Variants in SYT9 observed in about 807,000 individuals in gnomAD.
The protein encoded by SYT9 is synaptotagmin 9.
In SYT9, 22 loss-of-function variants were observed where a neutral mutation model predicts 48.4. The observed-to-expected ratio is 0.45, with a 90% CI of 0.32 to 0.65. The LOEUF is 0.65. Ranked by LOEUF, SYT9 falls within the 30% of genes least tolerant of loss-of-function variation. The pLI, the probability that SYT9 is intolerant of heterozygous loss-of-function variation, is 0.03. For synonymous variants in SYT9, 265 were observed against 245.0 expected (o/e 1.08, Z -0.76); for missense variants, 577 against 622.0 (o/e 0.93, Z 0.77).
At chr11:7,415,523 A>G (rs1404663099) in intron 3 of SYT9, among the ~76,000 whole-genome samples, 1 of 151,942 alleles carries the variant, frequency 6.6e-6, no homozygotes. Context: ...GGTGGTGTGG[A>G]AACCTGTTGA....
intron 1 of SYT9, among the ~76,000 whole-genome samples, chr11:7,243,406 A>G (rs1310772810): frequency 6.6e-6 from 1 of 152,188 alleles, no homozygotes; most frequent in Non-Finnish European, 1.5e-5. Flanking sequence ...AGACAAACGT[A>G]TGGTTTTTCT....
rs1847875051 is a variant in SYT9, at chr11:7,251,968, G to A, written c.-219G>A. 1 of 449,984 alleles carries A rather than the reference G, an allele frequency of 2.2e-6. No individual in the cohort carries two copies. The highest frequency in any genetic ancestry group is 3.8e-6 in the Non-Finnish European group (1 of 260,156). 27.9% of individuals were successfully genotyped at this position (449,984 alleles called of 1,614,324 possible). A position where few individuals can be genotyped will look rare whatever the true frequency, so the allele number is the denominator to read the frequency against. ...GGAGGGACGGAGGGACCGGGCGGGA[G>A]AGAGAGAAAGCCTGACCGACCGGCT... On this transcript the variant is annotated 5_prime_UTR_variant, in exon 1 of 7. Coordinates refer to ENST00000318881, the MANE Select transcript of SYT9 (RefSeq NM_175733.4).
chr11:7,435,427 G>A (rs141120154), intron 6 of SYT9: 66 of 152,378 alleles, frequency 4.3e-4, no homozygotes, highest in African/African-American at 1.5e-3. Context: ...ATGCACAGAT[G>A]TAGCTTCCTT....
intron 6 of SYT9, among the ~76,000 whole-genome samples, chr11:7,431,763 TA>T (rs1181648473): frequency 6.6e-6 from 1 of 152,216 alleles, no homozygotes; most frequent in Non-Finnish European, 1.5e-5. Flanking sequence ...AGCTGCTACT[TA>T]AGAGAATGCA....
rs1353140615 is a variant in SYT9, at chr11:7,343,337, C to T, written c.1044+29396C>T. 6.6e-5 allele frequency among the ~76,000 whole-genome samples: 10 copies of T among 152,100 alleles called. No homozygotes were observed. In the South Asian group the frequency reaches 8.3e-4, roughly 13 times the overall value. ...AAAACTGAATACTTTTAGCAGCACCCGAGTCACCTCTTGAATGCTTTGCTG... is the reference window on the plus strand; with the variant it reads ...AAAACTGAATACTTTTAGCAGCACCTGAGTCACCTCTTGAATGCTTTGCTG... On this transcript the variant is annotated intron_variant, in intron 3 of 6. Transcript: ENST00000318881.
intron 6 of SYT9, among the ~76,000 whole-genome samples, chr11:7,453,458 T>C (rs1301382664): frequency 3.3e-5 from 5 of 152,180 alleles, no homozygotes; most frequent in Non-Finnish European, 7.4e-5. Context: ...CACATGCTAT[T>C]CCCAACACTG....
At chr11:7,273,672 C>A (rs781570845) in intron 1 of SYT9, among the ~76,000 whole-genome samples, 13 of 152,142 alleles carry the variant, frequency 8.5e-5, no homozygotes, top group Non-Finnish European at 1.5e-4. Context: ...TAAGTAAGAG[C>A]TTGTCCTACA....
chr11:7,274,596 G>A lies in SYT9; in HGVS notation c.145+22265G>A, dbSNP rs141973271. Among the ~76,000 whole-genome samples, 370 of 152,274 alleles carry A rather than the reference G, an allele frequency of 2.4e-3. 2 individuals are homozygous for A. The highest frequency in any genetic ancestry group is 4.1e-3 in the Non-Finnish European group (277 of 68,022). On this transcript the variant is annotated intron_variant, in intron 1 of 6. Coordinates refer to ENST00000318881, the MANE Select transcript of SYT9 (RefSeq NM_175733.4). ...GCCTCAGGAAGTGTTGGGATTATAG[G>A]CATGAGCCACTGTGCCTGGCCAAGT...
At position 7,416,169 on chromosome 11, in the gene SYT9, C is replaced by T. The variant is rs981262194; in HGVS notation, c.1165+7C>T. The T allele has an allele frequency of 3.1e-6, 5 of 1,614,012 alleles. No individual in the cohort carries two copies. Among genetic ancestry groups the T allele is most frequent in the Middle Eastern group, 1.6e-4 (1 of 6,062 alleles). ...GACATAACAGGAGCATCAGGTGGGG[C>T]ATTTTCAAATTCAGACTTCCTCATG... On this transcript the variant is annotated splice_region_variant and intron_variant, in intron 4 of 6. Coordinates refer to ENST00000318881, the MANE Select transcript of SYT9 (RefSeq NM_175733.4).
Position 7,252,864 on chromosome 11 carries a change from G to A in SYT9, c.145+533G>A, listed in dbSNP as rs1329998348. On this transcript the variant is annotated intron_variant, in intron 1 of 6. Coordinates refer to ENST00000318881, the MANE Select transcript of SYT9 (RefSeq NM_175733.4). The surrounding 1 kb of genome is among the most constrained non-coding windows in gnomAD (Gnocchi z 6.3). ...GCGGGACGCGATCCGGCGTTGGGCC[G>A]GGGACAGGGTGCTTCTGGCCTTGGG... Among the ~76,000 whole-genome samples, 2 of 152,224 alleles carry A rather than the reference G, an allele frequency of 1.3e-5. No individual in the cohort carries two copies. Among genetic ancestry groups the A allele is most frequent in the African/African-American group, 4.8e-5 (2 of 41,464 alleles).
At chr11:7,463,797 G>C (rs1029107120) in intron 6 of SYT9, among the ~76,000 whole-genome samples, 2 of 152,194 alleles carry the variant, frequency 1.3e-5, no homozygotes, top group Non-Finnish European at 2.9e-5. Context: ...AGAAGGGGGA[G>C]ACCAGTAGGC....
At chr11:7,266,068 A>C (rs1848175165) in intron 1 of SYT9, among the ~76,000 whole-genome samples, 1 of 152,118 alleles carries the variant, frequency 6.6e-6, no homozygotes, top group African/African-American at 2.4e-5. Context: ...GATTCAGAGG[A>C]TCCCAAGTTA....
chr11:7,444,129 C>T (rs1046255653), intron 6 of SYT9: 1 of 152,204 alleles, frequency 6.6e-6, no homozygotes, highest in Non-Finnish European at 1.5e-5. Context: ...GCTCAGCCTG[C>T]TCTCTAATCC....
chr11:7,322,191 A>G (rs1248101862), intron 3 of SYT9, among the ~76,000 whole-genome samples: 1 of 152,158 alleles, frequency 6.6e-6, no homozygotes, highest in Non-Finnish European at 1.5e-5. Flanking sequence ...ATGTGACATC[A>G]CTGAAAGCAG....
intron 1 of SYT9, among the ~76,000 whole-genome samples, chr11:7,267,600 T>C (rs965487961): frequency 6.6e-6 from 1 of 151,794 alleles, no homozygotes; most frequent in African/African-American, 2.4e-5. Flanking sequence ...AGATGACAAT[T>C]TCTAATTCTC....
In SYT9 at chr11:7,370,419, A is replaced by G. The variant is rs146838858; in HGVS notation, c.1045-45623A>G. ...AATGTATAGGGATTTAAAGTAGATT[A>G]GTGGTTAGGACTAGGGATGGGAATA... On this transcript the variant is annotated intron_variant, in intron 3 of 6. Transcript: ENST00000318881. 1.8e-3 allele frequency among the ~76,000 whole-genome samples: 271 copies of G among 152,222 alleles called. 2 individuals carry two copies. The highest frequency in any genetic ancestry group is 6.1e-3 in the African/African-American group (254 of 41,542).
At chr11:7,319,111 C>G (rs7947027) in intron 3 of SYT9, among the ~76,000 whole-genome samples, 98,509 of 150,622 alleles carry the variant, frequency 0.65, 32,903 homozygotes, top group East Asian at 0.92. Flanking sequence ...TCCTTAGGTT[C>G]AGACAATGAG....
At chr11:7,290,075 A>C (rs1411006960) in intron 1 of SYT9, among the ~76,000 whole-genome samples, 1 of 152,230 alleles carries the variant, frequency 6.6e-6, no homozygotes, top group Non-Finnish European at 1.5e-5. Context: ...GTATAACAGT[A>C]CAAGTAGTAA....
intron 3 of SYT9, among the ~76,000 whole-genome samples, chr11:7,402,912 CT>C (rs1475774192): frequency 6.6e-6 from 1 of 152,096 alleles, no homozygotes; most frequent in African/African-American, 2.4e-5. Flanking sequence ...GGATTGAGCA[CT>C]TTTATTATTC....
Sources: allele counts gnomAD v4.1 joint callset (sites outside exome capture counted in the v4.1 genomes callset), GRCh38; gene constraint gnomAD v4.1.1; non-coding constraint Gnocchi (gnomAD v3.1); transcripts MANE v1.5; gene names NCBI Gene and HGNC (gene_info 2026-07-23, HGNC 2026-07-21).